The following PALM2AKAP2 variants were observed in gnomAD, a reference collection of about 807,000 sequenced individuals.
The protein encoded by PALM2AKAP2 is PALM2-AKAP2 fusion protein.
Under a neutral mutation model 71.5 loss-of-function variants are expected in PALM2AKAP2, and 37 were observed. That is an observed-to-expected ratio of 0.52 (90% CI 0.40 to 0.68). The LOEUF is 0.68. Ranked by LOEUF, PALM2AKAP2 falls within the 30% of genes least tolerant of loss-of-function variation. PALM2AKAP2 has a pLI of 0.00. For synonymous variants in PALM2AKAP2, 468 were observed against 478.8 expected, an observed-to-expected ratio of 0.98 and a Z score of 0.29; for missense variants, 1,224 against 1,191.8, an observed-to-expected ratio of 1.03 and a Z score of -0.40.
At chr9:109,812,831 T>C (rs1213803174) in intron 1 of PALM2AKAP2, among the ~76,000 whole-genome samples, 1 of 152,162 alleles carries the variant, frequency 6.6e-6, no homozygotes, top group African/African-American at 2.4e-5. Flanking sequence ...TGCTCCGTGA[T>C]CTTCCCATGT....
chr9:109,669,969 A>G (rs941913091), intron 1 of PALM2AKAP2, among the ~76,000 whole-genome samples: 15 of 151,368 alleles, frequency 9.9e-5, no homozygotes, highest in Non-Finnish European at 1.6e-4. Context: ...TTTAGCTAGC[A>G]TCTTAAAAAC....
At chr9:110,074,044 C>A (rs1655283887) in intron 1 of PALM2AKAP2, among the ~76,000 whole-genome samples, 1 of 152,184 alleles carries the variant, frequency 6.6e-6, no homozygotes, top group Non-Finnish European at 1.5e-5. Flanking sequence ...TGGCAGTGTG[C>A]ACCATTTGAT....
At chr9:109,847,145 A>T (rs1045344689) in intron 1 of PALM2AKAP2, among the ~76,000 whole-genome samples, 1 of 151,950 alleles carries the variant, frequency 6.6e-6, no homozygotes, top group Non-Finnish European at 1.5e-5. Flanking sequence ...TTTTTTGCAG[A>T]TGCAATTAGG....
chr9:109,936,996 G>C (rs4978859), intron 6 of PALM2AKAP2, among the ~76,000 whole-genome samples: 15,074 of 152,226 alleles, frequency 0.099, 912 homozygotes, highest in East Asian at 0.17. Context: ...TTGGACTGAT[G>C]CTCAAATGTA....
At chr9:109,729,504 G>T (rs748720775) in intron 1 of PALM2AKAP2, among the ~76,000 whole-genome samples, 1 of 152,060 alleles carries the variant, frequency 6.6e-6, no homozygotes, top group Admixed American at 6.6e-5. Flanking sequence ...AACTTTCCTC[G>T]ATTCCTGTTT....
At chr9:109,753,913 A>G (rs1317156975) in intron 1 of PALM2AKAP2, among the ~76,000 whole-genome samples, 1 of 152,182 alleles carries the variant, frequency 6.6e-6, no homozygotes, top group Non-Finnish European at 1.5e-5. Flanking sequence ...AAAATACAGA[A>G]AAGACTAAAG....
At chr9:109,900,967 T>C (rs1466458514) in intron 3 of PALM2AKAP2, among the ~76,000 whole-genome samples, 1 of 152,192 alleles carries the variant, frequency 6.6e-6, no homozygotes, top group Admixed American at 6.5e-5. Flanking sequence ...CTCAATTAAT[T>C]GGAAGGGAGT....
intron 1 of PALM2AKAP2, among the ~76,000 whole-genome samples, chr9:109,674,471 T>C (rs182731040): frequency 1.3e-3 from 198 of 152,168 alleles, no homozygotes; most frequent in Admixed American, 0.012. Flanking sequence ...CTGTTGAACT[T>C]TCAGGCAGTT....
chr9:110,076,185 T>G (rs913343459), intron 1 of PALM2AKAP2, among the ~76,000 whole-genome samples: 2 of 152,110 alleles, frequency 1.3e-5, no homozygotes, highest in South Asian at 4.1e-4. Flanking sequence ...TCTTTGTCTT[T>G]CATGACATTG....
intron 6 of PALM2AKAP2, among the ~76,000 whole-genome samples, chr9:110,013,210 C>T (rs1415453055): frequency 6.6e-6 from 1 of 152,198 alleles, no homozygotes; most frequent in East Asian, 1.9e-4. Flanking sequence ...CTCTTAAGCC[C>T]ATTTCAAACC....
chr9:110,016,213 A>G (rs1309635673), intron 7 of PALM2AKAP2, among the ~76,000 whole-genome samples, 174 bp downstream of exon 7: 1 of 152,102 alleles, frequency 6.6e-6, no homozygotes, highest in African/African-American at 2.4e-5. Flanking sequence ...GAAATTTGGG[A>G]TCTGGTCTAC....
At chr9:109,942,882 G>A (rs1179173018) in intron 6 of PALM2AKAP2, 2 of 1,614,194 alleles carry the variant, frequency 1.2e-6, no homozygotes, top group East Asian at 2.2e-5. Flanking sequence ...TAAGCACAAA[G>A]GATGTAGAAG....
chr9:110,095,352 A>C (rs1834811750), intron 1 of PALM2AKAP2, among the ~76,000 whole-genome samples: 1 of 152,166 alleles, frequency 6.6e-6, no homozygotes, highest in African/African-American at 2.4e-5. Context: ...TGAATATTTC[A>C]GATTAAGAGG....
chr9:110,116,379 TGTGTGTGTGC>T (rs1177670881), intron 1 of PALM2AKAP2, among the ~76,000 whole-genome samples: 16 of 151,844 alleles, frequency 1.1e-4, no homozygotes, highest in East Asian at 5.8e-4. Context: ...TGTGTGCGTG[TGTGTGTGTGC>T]GCATGTGTGT....
intron 7 of PALM2AKAP2, among the ~76,000 whole-genome samples, chr9:110,033,410 C>G (rs531949402): frequency 6.6e-6 from 1 of 152,346 alleles, no homozygotes; most frequent in East Asian, 1.9e-4. Context: ...CTCTTTCCTT[C>G]TCTCCCTTCA....
chr9:109,816,274 G>A (rs961520543), intron 1 of PALM2AKAP2, among the ~76,000 whole-genome samples: 3 of 152,230 alleles, frequency 2.0e-5, no homozygotes, highest in East Asian at 1.9e-4. Flanking sequence ...CAAAGGACGA[G>A]GAGGCAAGAT....
chr9:109,967,529 A>T lies in PALM2AKAP2; in HGVS notation c.496+35501A>T, dbSNP rs376880086. Among the ~76,000 whole-genome samples the T allele has an allele frequency of 2.3e-4, 34 of 151,092 alleles. 1 individual carries two copies. The East Asian group carries it at 4.7e-3, about 21-fold the overall frequency. On this transcript the variant is annotated intron_variant, in intron 6 of 9. Transcript: ENST00000302798. ...GGTTCAAGTGATTCTTGTGCCTCAG[A>T]CTCCCGAGTAGCTGTGACTACAGGC...
At chr9:110,130,805 C>A (rs926730988) in intron 1 of PALM2AKAP2, among the ~76,000 whole-genome samples, 1 of 152,194 alleles carries the variant, frequency 6.6e-6, no homozygotes, top group Admixed American at 6.5e-5. Context: ...CCAAAGGGTT[C>A]GCTCTATTGG....
chr9:110,140,540 C>T (rs1836002110), intron 2 of PALM2AKAP2, among the ~76,000 whole-genome samples: 1 of 152,226 alleles, frequency 6.6e-6, no homozygotes, highest in Non-Finnish European at 1.5e-5. Context: ...CTCTTGAAAA[C>T]CATGAGTTTG....
Sources: allele counts gnomAD v4.1 joint callset (sites outside exome capture counted in the v4.1 genomes callset), GRCh38; gene constraint gnomAD v4.1.1; transcripts MANE v1.5; gene names NCBI Gene and HGNC (gene_info 2026-07-23, HGNC 2026-07-21).